KNL1: variants seen among roughly 807,000 people sequenced by gnomAD.
KNL1 encodes kinetochore scaffold 1, also known as outer kinetochore KNL1 complex subunit KNL1.
A neutral mutation model predicts 201.3 loss-of-function variants in KNL1; 66 were observed. The ratio of observed to expected loss-of-function variants is 0.33; its 90% CI spans 0.27 to 0.40. The LOEUF is 0.40. Among genes scored for constraint, KNL1 ranks in the 10% least tolerant of loss-of-function variants. The pLI is 1.00. For missense variants in KNL1, 2,815 were observed against 2,690.5 expected, an observed-to-expected ratio of 1.05 and a Z score of -1.02; for synonymous variants, 895 against 899.2, an observed-to-expected ratio of 1.00 and a Z score of 0.08.
intron 8 of KNL1, among the ~76,000 whole-genome samples, chr15:40,617,095 C>T (rs917721245): frequency 6.6e-6 from 1 of 152,034 alleles, no homozygotes; most frequent in Non-Finnish European, 1.5e-5. Context: ...ATTACAGGCA[C>T]GTGCCACCAG....
At position 40,621,218 on chromosome 15, in the gene KNL1, T is replaced by C. The variant is rs1892513086; in HGVS notation, c.954T>C (p.Phe318=). 6.2e-7 allele frequency: 1 copy of C among 1,612,780 alleles called. No homozygotes were observed. Among genetic ancestry groups the C allele is most frequent in the Non-Finnish European group, 8.5e-7 (1 of 1,179,236 alleles). The change falls in exon 10 of 26, where the codon TTT becomes TTC. Residue 318 remains phenylalanine, a synonymous_variant. Transcript: ENST00000399668. ...ATATTACAATTTATGGCAATGACTT[T>C]ATGGACTTGACATTTAACCACACTT... The part of the protein sequence containing the change: ...GNDITIYGND[F]MDLTFNHTLQ...
Position 40,663,795 on chromosome 15 carries a change from C to T in KNL1, c.*1607C>T, listed in dbSNP as rs550656526. 2.6e-5 allele frequency: 5 copies of T among 191,490 alleles called. No individual in the cohort carries two copies. The East Asian group carries it at 4.2e-4, about 16-fold the overall frequency. 11.9% of individuals were successfully genotyped at this position (191,490 alleles called of 1,614,324 possible). ...TTATATTTAATTATAAACCAAAATA[C>T]ATTTGCATTTTTAAGCTAATTTGTC... On this transcript the variant is annotated 3_prime_UTR_variant, in exon 26 of 26. Transcript: ENST00000399668.
rs186364212 is a variant in KNL1, at chr15:40,652,519, C to T, written c.6415+414C>T. Among the ~76,000 whole-genome samples, 318 of 148,882 alleles carry T rather than the reference C, an allele frequency of 2.1e-3. 2 individuals carry two copies. The highest frequency in any genetic ancestry group is 7.7e-3 in the African/African-American group (312 of 40,534). On this transcript the variant is annotated intron_variant, in intron 21 of 25. Coordinates refer to ENST00000399668, the MANE Select transcript of KNL1 (RefSeq NM_144508.5). Reference sequence around the variant, plus strand: ...GCCCTGCAGCTCACGCCTGTACTCCCAACACTTTGGGAGGCTGAGGTGGGC... The same window carrying T: ...GCCCTGCAGCTCACGCCTGTACTCCTAACACTTTGGGAGGCTGAGGTGGGC...
At chr15:40,612,760 G>C (rs1229288396) in intron 7 of KNL1, among the ~76,000 whole-genome samples, 1 of 151,906 alleles carries the variant, frequency 6.6e-6, no homozygotes, top group South Asian at 2.1e-4. Context: ...CTCGTGATCC[G>C]CCCACTTTGG....
intron 13 of KNL1, among the ~76,000 whole-genome samples, chr15:40,635,390 T>G (rs1893026512): frequency 6.6e-6 from 1 of 151,660 alleles, no homozygotes; most frequent in Non-Finnish European, 1.5e-5. Flanking sequence ...ATTTCACTCT[T>G]CTTGCCCAGG....
chr15:40,646,894 G>T, intron 16 of KNL1, 93 bp from the exon 17 acceptor site: 28 of 511,646 alleles, frequency 5.5e-5, no homozygotes, highest in Middle Eastern at 5.4e-4. Context: ...GCCTGTTTGT[G>T]ATCATGATAG....
chr15:40,662,498 TTAAGTA>T lies in KNL1; in HGVS notation c.*315_*320del. On this transcript the variant is annotated 3_prime_UTR_variant, in exon 26 of 26. Coordinates refer to ENST00000399668, the MANE Select transcript of KNL1 (RefSeq NM_144508.5). ...TTTAGTACAAGCCCTAAGGATTAACTTAAGTATAAGAAGTGTTATCACTGACAAGAA... is the reference window on the plus strand; with the variant it reads ...TTTAGTACAAGCCCTAAGGATTAACTTAAGAAGTGTTATCACTGACAAGAA... 3.8e-6 allele frequency: 1 copy of T among 261,854 alleles called. No individual in the cohort carries two copies. Among genetic ancestry groups the T allele is most frequent in the Admixed American group, 5.3e-5 (1 of 18,710 alleles). The allele number at this position is 261,854 out of a possible 1,614,324, so 16.2% of individuals were successfully genotyped here.
At chr15:40,626,997 C>T (rs1892773512) in intron 10 of KNL1, among the ~76,000 whole-genome samples, 1 of 152,078 alleles carries the variant, frequency 6.6e-6, no homozygotes, top group African/African-American at 2.4e-5. Context: ...CAGGTTCAAG[C>T]GATTCTCCTG....
chr15:40,594,508 G>C (rs1214178896), intron 1 of KNL1, 116 bp downstream of exon 1: 1 of 152,322 alleles, frequency 6.6e-6, no homozygotes, highest in South Asian at 2.1e-4. Flanking sequence ...GGCGGCCTCC[G>C]TTAGCGCCGG....
intron 4 of KNL1, among the ~76,000 whole-genome samples, chr15:40,606,958 C>T (rs553072887): frequency 6.6e-6 from 1 of 152,272 alleles, no homozygotes; most frequent in Admixed American, 6.5e-5. Context: ...AGGATTTCGC[C>T]ATGTTGCCCC....
At position 40,648,886 on chromosome 15, in the gene KNL1, A is replaced by G. The variant is rs1228206894; in HGVS notation, c.6095-1415A>G. On this transcript the variant is annotated intron_variant, in intron 17 of 25. Transcript: ENST00000399668. ...ACTGTCGTTACCCAGGCTGGAGTCA[A>G]TGGCACAATCTCTGCTCACTGCAAC... Among the ~76,000 whole-genome samples, 15 of 144,610 alleles carry G rather than the reference A, an allele frequency of 1.0e-4. No individual in the cohort carries two copies. The East Asian group carries it at 1.8e-3, about 17-fold the overall frequency. The allele number at this position is 144,610 out of a possible 152,430, so 94.9% of individuals were successfully genotyped here.
At chr15:40,608,757 A>G (rs1437219131) in intron 4 of KNL1, 90 bp from the exon 5 acceptor site, 1 of 931,554 alleles carries the variant, frequency 1.1e-6, no homozygotes, top group Admixed American at 2.5e-5. Flanking sequence ...AAAAAAAAAA[A>G]AAAAGGACTT....
At chr15:40,659,995 C>A (rs1893861430) in intron 25 of KNL1, among the ~76,000 whole-genome samples, 1 of 151,586 alleles carries the variant, frequency 6.6e-6, no homozygotes, top group Non-Finnish European at 1.5e-5. Context: ...ACTGCAACCT[C>A]TGCCTCCTGG....
Position 40,645,094 on chromosome 15 carries a change from T to C in KNL1, c.5889+7T>C. On this transcript the variant is annotated splice_region_variant and intron_variant, in intron 15 of 25. Transcript: ENST00000399668. ...ACACTGCTCTGACAAAGAGGTACTTTTGTCTCATTTTCTGAATGAGAATCA... is the reference window on the plus strand; with the variant it reads ...ACACTGCTCTGACAAAGAGGTACTTCTGTCTCATTTTCTGAATGAGAATCA... 1 of 1,578,722 alleles carries C rather than the reference T, an allele frequency of 6.3e-7. No homozygotes were observed. The highest frequency in any genetic ancestry group is 8.7e-7 in the Non-Finnish European group (1 of 1,151,272).
At chr15:40,632,823 C>T (rs1567014437) in intron 13 of KNL1, among the ~76,000 whole-genome samples, 1 of 152,064 alleles carries the variant, frequency 6.6e-6, no homozygotes, top group Non-Finnish European at 1.5e-5. Context: ...AGTTTGAGAC[C>T]AGCCTGGGCA....
At chr15:40,605,643 T>C (rs995664248) in intron 3 of KNL1, among the ~76,000 whole-genome samples, 4 of 152,072 alleles carry the variant, frequency 2.6e-5, no homozygotes, top group Non-Finnish European at 5.9e-5. Context: ...AGAGATGAGG[T>C]TTTGCCATGT....
At chr15:40,609,143 C>T (rs1458491656) in intron 5 of KNL1, among the ~76,000 whole-genome samples, 1 of 151,296 alleles carries the variant, frequency 6.6e-6, no homozygotes, top group Non-Finnish European at 1.5e-5. Context: ...TGTGCTGGCT[C>T]ACGCCTGTAA....
rs752183930 is a variant in KNL1 at position 40,662,028 on chromosome 15, G to C, written c.6837-46G>C. ...CACTCCAGCCTGGGCGACAGAGCGAGACTCCGTCGCAAAAAAGAAAATTGA... is the reference window on the plus strand; with the variant it reads ...CACTCCAGCCTGGGCGACAGAGCGACACTCCGTCGCAAAAAAGAAAATTGA... On this transcript the variant is annotated intron_variant, in intron 25 of 25. Coordinates refer to ENST00000399668, the MANE Select transcript of KNL1 (RefSeq NM_144508.5). The C allele has an allele frequency of 1.8e-5, 20 of 1,097,830 alleles. No homozygotes were observed. The South Asian group carries it at 2.6e-4, about 14-fold the overall frequency. The allele number at this position is 1,097,830 out of a possible 1,614,324, so 68.0% of individuals were successfully genotyped here. A position where few individuals can be genotyped will look rare whatever the true frequency, so the allele number is the denominator to read the frequency against.
chr15:40,646,235 T>C (rs541885486), intron 16 of KNL1, among the ~76,000 whole-genome samples: 1 of 152,296 alleles, frequency 6.6e-6, no homozygotes, highest in Non-Finnish European at 1.5e-5. Flanking sequence ...CAGAGAAACA[T>C]AATTTTTTAA....
Sources: allele counts gnomAD v4.1 joint callset (sites outside exome capture counted in the v4.1 genomes callset), GRCh38; gene constraint gnomAD v4.1.1; transcripts MANE v1.5; gene names NCBI Gene and HGNC (gene_info 2026-07-23, HGNC 2026-07-21).